Variants in CNTN1 observed in about 807,000 individuals in gnomAD.
CNTN1 encodes the protein contactin 1.
A neutral mutation model predicts 126.4 loss-of-function variants in CNTN1; 38 were observed. The ratio of observed to expected loss-of-function variants is 0.30; its 90% CI spans 0.23 to 0.39. The LOEUF is 0.39. CNTN1 is among the 10% of genes least tolerant of loss of function. The probability of loss-of-function intolerance (pLI) is 1.00; values close to 1 mark genes in which losing one functional copy is unlikely to be tolerated. For missense variants in CNTN1, 1,009 were observed against 1,248.4 expected (o/e 0.81, Z 2.89); for synonymous variants, 413 against 422.6 (o/e 0.98, Z 0.28).
intron 17 of CNTN1, among the ~76,000 whole-genome samples, chr12:41,009,478 T>C (rs1256906147): frequency 6.6e-6 from 1 of 152,208 alleles, no homozygotes; most frequent in Non-Finnish European, 1.5e-5. Context: ...ACCCACTGGC[T>C]GTTGAGCTGG....
At chr12:40,717,953 A>G (rs1942090387) in intron 1 of CNTN1, among the ~76,000 whole-genome samples, 1 of 152,226 alleles carries the variant, frequency 6.6e-6, no homozygotes, top group African/African-American at 2.4e-5. Flanking sequence ...TCTTTAAAGA[A>G]GAAAGATTCT....
In CNTN1 at chr12:41,020,415, T is replaced by C. The variant is rs1205621429; in HGVS notation, c.2498T>C (p.Leu833Ser). The C allele has an allele frequency of 4.3e-6, 7 of 1,610,472 alleles. No homozygotes were observed. The Admixed American group carries it at 1.2e-4, about 27-fold the overall frequency. The change falls in exon 20 of 24, where the codon TTA becomes TCA. Residue 833 changes from leucine (L) to serine (S), a missense_variant. Leu to Ser is a moderately radical substitution (Grantham distance 145). Coordinates refer to ENST00000551295, the MANE Select transcript of CNTN1 (RefSeq NM_001843.4). ...ATATCTGTTCATTGGGAACATGTTT[T>C]AGAAAAAATAGTGGAAAGCTATCAG... Reference protein sequence around the residue: ...SEISVHWEHVLEKIVESYQIR... With the variant: ...SEISVHWEHVSEKIVESYQIR...
At chr12:40,956,499 G>A (rs1236458531) in intron 14 of CNTN1, among the ~76,000 whole-genome samples, 1 of 152,082 alleles carries the variant, frequency 6.6e-6, no homozygotes, top group Admixed American at 6.6e-5. Context: ...ACTGGTATTG[G>A]GTAGAGGTGA....
intron 23 of CNTN1, among the ~76,000 whole-genome samples, chr12:41,042,463 G>T (rs1949437744): frequency 6.6e-6 from 1 of 151,962 alleles, no homozygotes; most frequent in South Asian, 2.1e-4. Flanking sequence ...GTCAATTCCT[G>T]GGTATCCTTG....
At chr12:41,056,577 C>G (rs1373837139) in intron 23 of CNTN1, among the ~76,000 whole-genome samples, 6 of 152,016 alleles carry the variant, frequency 3.9e-5, no homozygotes, top group Non-Finnish European at 8.8e-5. Context: ...GCCAGATAGG[C>G]ACAGCTAAAA....
intron 1 of CNTN1, among the ~76,000 whole-genome samples, chr12:40,773,550 C>G (rs574184276): frequency 6.7e-6 from 1 of 150,188 alleles, no homozygotes; most frequent in Admixed American, 6.7e-5. Context: ...CTTCCGAAAA[C>G]AAAACAAAAC....
intron 18 of CNTN1, 74 bp from the exon 19 acceptor site, chr12:41,016,608 T>C: frequency 1.1e-6 from 1 of 930,924 alleles, no homozygotes; most frequent in Non-Finnish European, 1.8e-6. Context: ...TCCGTGTGTG[T>C]CATTATCCCC....
chr12:40,800,299 G>A (rs1940597893), intron 1 of CNTN1, among the ~76,000 whole-genome samples: 1 of 151,860 alleles, frequency 6.6e-6, no homozygotes, highest in African/African-American at 2.4e-5. Context: ...TGATTGTTAA[G>A]TTTCCTGAAG....
intron 1 of CNTN1, among the ~76,000 whole-genome samples, chr12:40,805,265 T>A (rs756900887): frequency 1.6e-4 from 24 of 152,006 alleles, no homozygotes; most frequent in Non-Finnish European, 2.1e-4. Flanking sequence ...CCCTTTTCCC[T>A]CTTTTCTTCT....
intron 1 of CNTN1, among the ~76,000 whole-genome samples, chr12:40,707,038 GCGCTTGCGCACACACACACACA>G (rs1941763879): frequency 1.9e-5 from 2 of 103,854 alleles, no homozygotes; most frequent in South Asian, 6.2e-4. Flanking sequence ...GTGCGCGCGC[GCGCTTGCGCACACACACACACA>G]CACACACACA....
In CNTN1 at chr12:41,070,248, AT is replaced by A; in HGVS notation, c.*218del. 2 of 589,916 alleles carry A rather than the reference AT, an allele frequency of 3.4e-6. No homozygotes were observed. The highest frequency in any genetic ancestry group is 3.9e-5 in the South Asian group (2 of 51,272). 36.5% of individuals were successfully genotyped at this position (589,916 alleles called of 1,614,324 possible). ...ATAAACTTTTAAATGGATATAAATG[AT>A]TTTTAACTCGTTCCAATATGCCTTA... On this transcript the variant is annotated 3_prime_UTR_variant, in exon 24 of 24. Transcript: ENST00000551295.
chr12:40,993,706 A>G (rs1948148136), intron 17 of CNTN1, among the ~76,000 whole-genome samples: 1 of 152,200 alleles, frequency 6.6e-6, no homozygotes. Context: ...TTATAACTGA[A>G]TGGCCAAGTC....
At chr12:40,704,720 A>C (rs1769973131) in intron 1 of CNTN1, among the ~76,000 whole-genome samples, 1 of 152,178 alleles carries the variant, frequency 6.6e-6, no homozygotes, top group South Asian at 2.1e-4. Flanking sequence ...TAAATCACTA[A>C]GGAAAAGATG....
chr12:40,908,936 G>T (rs1009732040), intron 2 of CNTN1, among the ~76,000 whole-genome samples: 2 of 152,004 alleles, frequency 1.3e-5, no homozygotes, highest in South Asian at 4.1e-4. Flanking sequence ...AAAACAATGG[G>T]TTTTAAGCAT....
intron 1 of CNTN1, among the ~76,000 whole-genome samples, chr12:40,809,484 T>C (rs73116747): frequency 0.023 from 3,467 of 152,292 alleles, 127 homozygotes; most frequent in African/African-American, 0.078. Context: ...ACAAATTTTA[T>C]ATCTTGAACC....
intron 1 of CNTN1, among the ~76,000 whole-genome samples, chr12:40,837,873 G>T (rs1942120386): frequency 6.6e-6 from 1 of 152,142 alleles, no homozygotes; most frequent in South Asian, 2.1e-4. Context: ...CAGGGCTAGG[G>T]CCTGAGCTAG....
At chr12:40,856,122 A>G (rs774231802) in intron 1 of CNTN1, among the ~76,000 whole-genome samples, 2 of 152,104 alleles carry the variant, frequency 1.3e-5, no homozygotes, top group South Asian at 2.1e-4. Flanking sequence ...TAGAGCCTGC[A>G]CTTGTGTCTG....
intron 15 of CNTN1, among the ~76,000 whole-genome samples, chr12:40,963,401 A>G (rs926200359): frequency 6.6e-6 from 1 of 152,050 alleles, no homozygotes; most frequent in Non-Finnish European, 1.5e-5. Context: ...TTTTCCAAAT[A>G]ATATTGTTGG....
At chr12:41,055,099 A>T (rs1213368242) in intron 23 of CNTN1, among the ~76,000 whole-genome samples, 1 of 152,164 alleles carries the variant, frequency 6.6e-6, no homozygotes, top group Admixed American at 6.6e-5. Flanking sequence ...TATAAAATTA[A>T]TGTCCTAGAC....
Sources: allele counts gnomAD v4.1 joint callset (sites outside exome capture counted in the v4.1 genomes callset), GRCh38; gene constraint gnomAD v4.1.1; transcripts MANE v1.5; gene names NCBI Gene and HGNC (gene_info 2026-07-23, HGNC 2026-07-21).